The following SUPT5H variants were observed in gnomAD, a reference collection of about 807,000 sequenced individuals.
SUPT5H encodes transcription elongation factor SPT5.
SUPT5H carries 24 observed loss-of-function variants against 142.5 expected under a neutral mutation model. The ratio of observed to expected loss-of-function variants is 0.17; its 90% CI spans 0.12 to 0.24. The LOEUF is 0.24. Ranked by LOEUF, SUPT5H falls within the 10% of genes least tolerant of loss-of-function variation. The pLI is 1.00. For synonymous variants in SUPT5H, 546 were observed against 553.0 expected (o/e 0.99, Z 0.18); for missense variants, 893 against 1,471.8 (o/e 0.61, Z 6.43).
In SUPT5H at chr19:39,457,810, C is replaced by T. The variant is rs1239341393; in HGVS notation, c.307+70C>T. The T allele has an allele frequency of 5.6e-6, 9 of 1,605,274 alleles. No individual in the cohort carries two copies. In the East Asian group the frequency reaches 1.8e-4, roughly 32 times the overall value. On this transcript the variant is annotated intron_variant, in intron 4 of 29. Transcript: ENST00000432763. ...GCTGAGAGGGTCTTCAGAGCCCATT[C>T]CCCCGACCCCCGCATCCCCTGTACA... is the stretch of plus-strand genomic sequence containing the variant.
chr19:39,469,417 C>A lies in SUPT5H; in HGVS notation c.1374+19C>A. On this transcript the variant is annotated intron_variant, in intron 16 of 29. Coordinates refer to ENST00000432763, the MANE Select transcript of SUPT5H (RefSeq NM_001111020.3). The surrounding 1 kb of genome is among the most constrained non-coding windows in gnomAD (Gnocchi z 5.1). The stretch of plus-strand genomic sequence containing the variant: ...CCTCAAGGTGGGTGCCCGGTGTTCT[C>A]GGGCAGGGGTTGGAGTGTTCAGGCA... The A allele has an allele frequency of 1.9e-6, 3 of 1,614,106 alleles. No homozygotes were observed. The highest frequency in any genetic ancestry group is 2.5e-6 in the Non-Finnish European group (3 of 1,180,008).
In SUPT5H at chr19:39,458,620, C is replaced by T; in HGVS notation, c.320-198C>T. On this transcript the variant is annotated intron_variant, in intron 5 of 29. Transcript: ENST00000432763. The surrounding 1 kb of genome is among the most constrained non-coding windows in gnomAD (Gnocchi z 4.2). ...TGGAAGCCCCCCAACTTGCTGGGCC[C>T]CATCCCCAGTCTTTTTGACAAGAAG... The T allele has an allele frequency of 1.4e-6, 1 of 704,942 alleles. No individual in the cohort carries two copies. The highest frequency in any genetic ancestry group is 2.3e-6 in the Non-Finnish European group (1 of 430,802). 43.7% of individuals were successfully genotyped at this position (704,942 alleles called of 1,614,324 possible).
Position 39,472,267 on chromosome 19 carries a change from C to G in SUPT5H, c.1951-142C>G. ...GGGGCTTGTAGGAAAGTGTGCAGGA[C>G]CAGCTGTCACAGAGGAATTCAGGCC... On this transcript the variant is annotated intron_variant, in intron 20 of 29. Transcript: ENST00000432763. The surrounding 1 kb of genome is among the most constrained non-coding windows in gnomAD (Gnocchi z 4.2). 1 of 751,680 alleles carries G rather than the reference C, an allele frequency of 1.3e-6. No individual in the cohort carries two copies. The highest frequency in any genetic ancestry group is 2.3e-6 in the Non-Finnish European group (1 of 438,342). The allele number at this position is 751,680 out of a possible 1,614,324, so 46.6% of individuals were successfully genotyped here.
rs1568423080 is a variant in SUPT5H, at chr19:39,458,258, A to G, written c.308-36A>G. Reference sequence around the variant, plus strand: ...CACCACCACCACCACCACCACCACCACCACCACCACCACCACCTCCTCTTC... The same window carrying G: ...CACCACCACCACCACCACCACCACCGCCACCACCACCACCACCTCCTCTTC... On this transcript the variant is annotated intron_variant, in intron 4 of 29. Transcript: ENST00000432763. The surrounding 1 kb of genome is among the most constrained non-coding windows in gnomAD (Gnocchi z 4.2). 1.4e-6 allele frequency: 1 copy of G among 727,944 alleles called. No individual in the cohort carries two copies. Among genetic ancestry groups the G allele is most frequent in the Admixed American group, 2.2e-5 (1 of 45,332 alleles). The allele number at this position is 727,944 out of a possible 1,614,324, so 45.1% of individuals were successfully genotyped here.
In SUPT5H at chr19:39,473,335, G is replaced by A. The variant is rs760745831; in HGVS notation, c.2386+5G>A. Reference sequence around the variant, plus strand: ...CACAGACACCCCTCCAGGATGGTGAGTGCCCGCAGGGGACAGGGAAGAGGG... The same window carrying A: ...CACAGACACCCCTCCAGGATGGTGAATGCCCGCAGGGGACAGGGAAGAGGG... On this transcript the variant is annotated splice_donor_5th_base_variant and intron_variant, in intron 24 of 29. Transcript: ENST00000432763. This position sits in a 1 kb window ranked among gnomAD's most constrained non-coding sequence, Gnocchi z 5.8. 1 of 1,613,732 alleles carries A rather than the reference G, an allele frequency of 6.2e-7. No individual in the cohort carries two copies. The highest frequency in any genetic ancestry group is 8.5e-7 in the Non-Finnish European group (1 of 1,179,912).
intron 2 of SUPT5H, among the ~76,000 whole-genome samples, chr19:39,451,575 A>G (rs914187034): frequency 6.6e-6 from 1 of 152,134 alleles, no homozygotes. Context: ...TCCATTGGCC[A>G]GGCTGGAGTG....
chr19:39,457,730 TCTAG>T lies in SUPT5H; in HGVS notation c.298_301del (p.Leu100ArgfsTer42). On this transcript the variant is annotated frameshift_variant, in exon 4 of 30. Transcript: ENST00000432763. LOFTEE classifies it high-confidence loss of function. Reference sequence around the variant, plus strand: ...AGTGGGAGGATGGAGCAGAGGACATTCTAGAGAAAGGTGTGTGTGAGCCCTGCCT... The same window carrying T: ...AGTGGGAGGATGGAGCAGAGGACATTAGAAAGGTGTGTGTGAGCCCTGCCT... The T allele has an allele frequency of 6.2e-7, 1 of 1,614,030 alleles. No individual in the cohort carries two copies. Among genetic ancestry groups the T allele is most frequent in the Non-Finnish European group, 8.5e-7 (1 of 1,179,978 alleles).
chr19:39,449,827 A>G (rs1341400168), intron 2 of SUPT5H, among the ~76,000 whole-genome samples: 1 of 151,514 alleles, frequency 6.6e-6, no homozygotes, highest in Non-Finnish European at 1.5e-5. Flanking sequence ...TTTGGTAGAG[A>G]TGGGGTTTCA....
In SUPT5H at chr19:39,458,991, C is replaced by T; in HGVS notation, c.390-14C>T. The T allele has an allele frequency of 6.2e-7, 1 of 1,614,130 alleles. No individual in the cohort carries two copies. The highest frequency in any genetic ancestry group is 2.2e-5 in the East Asian group (1 of 44,876). ...AACCTTCAATTCGTGTTTGCTTCCC[C>T]ACTCGTGCTCCAGGGACCAGCGAGA... is the stretch of plus-strand genomic sequence containing the variant. On this transcript the variant is annotated splice_polypyrimidine_tract_variant and intron_variant, in intron 6 of 29. Transcript: ENST00000432763. This position sits in a 1 kb window ranked among gnomAD's most constrained non-coding sequence, Gnocchi z 4.2.
At chr19:39,447,870 C>A (rs2078973252) in intron 2 of SUPT5H, among the ~76,000 whole-genome samples, 1 of 152,154 alleles carries the variant, frequency 6.6e-6, no homozygotes, top group Non-Finnish European at 1.5e-5. Flanking sequence ...CAATCACAAA[C>A]CAGTAAACAG....
rs992822089 is a variant in SUPT5H at position 39,472,686 on chromosome 19, G to C, written c.2036-124G>C. 2.1e-6 allele frequency: 3 copies of C among 1,456,392 alleles called. No individual in the cohort carries two copies. Among genetic ancestry groups the C allele is most frequent in the Admixed American group, 2.3e-5 (1 of 43,832 alleles). The allele number at this position is 1,456,392 out of a possible 1,614,324, so 90.2% of individuals were successfully genotyped here. On this transcript the variant is annotated intron_variant, in intron 21 of 29. Transcript: ENST00000432763. This position sits in a 1 kb window ranked among gnomAD's most constrained non-coding sequence, Gnocchi z 4.2. ...CTTCCATAGGAAAGCCATGGGGCAG[G>C]GGTGGGCAGAGGAGGCTCTTAACCC... is the stretch of plus-strand genomic sequence containing the variant.
At chr19:39,460,003 C>T in intron 10 of SUPT5H, 43 bp downstream of exon 10, 1 of 1,598,002 alleles carries the variant, frequency 6.3e-7, no homozygotes, top group Non-Finnish European at 8.6e-7. Context: ...GACATGGCAA[C>T]ACCCAGAGGG....
intron 2 of SUPT5H, among the ~76,000 whole-genome samples, chr19:39,446,412 G>A (rs1373549146): frequency 6.6e-6 from 1 of 152,294 alleles, no homozygotes; most frequent in East Asian, 1.9e-4. Context: ...AAGGTACTCT[G>A]GAGAAAAGAA....
intron 2 of SUPT5H, among the ~76,000 whole-genome samples, chr19:39,449,222 G>A (rs1000207127): frequency 2.0e-5 from 3 of 151,980 alleles, no homozygotes; most frequent in African/African-American, 7.2e-5. Context: ...TGTTGAGGAC[G>A]GTGAGAGCAC....
At chr19:39,447,073 G>A (rs1266678661) in intron 2 of SUPT5H, among the ~76,000 whole-genome samples, 1 of 152,126 alleles carries the variant, frequency 6.6e-6, no homozygotes, top group Non-Finnish European at 1.5e-5. Flanking sequence ...GCTGAGGTGG[G>A]AAGATTGCTT....
Position 39,473,566 on chromosome 19 carries a change from G to C in SUPT5H, c.2492+45G>C. ...GGTTCTGGTGTGTGCTGGTGTGTGT[G>C]AGGGATGATGCTGGGTGTCTGGGGC... is the stretch of plus-strand genomic sequence containing the variant. On this transcript the variant is annotated intron_variant, in intron 25 of 29. Coordinates refer to ENST00000432763, the MANE Select transcript of SUPT5H (RefSeq NM_001111020.3). The surrounding 1 kb of genome is among the most constrained non-coding windows in gnomAD (Gnocchi z 5.8). 1 of 1,578,878 alleles carries C rather than the reference G, an allele frequency of 6.3e-7. No homozygotes were observed.
intron 20 of SUPT5H, 140 bp downstream of exon 20, chr19:39,471,870 A>C: frequency 1.6e-6 from 2 of 1,247,714 alleles, no homozygotes; most frequent in Non-Finnish European, 2.2e-6. Flanking sequence ...GCAAAGAGTG[A>C]GAAGGTTTAT....
In SUPT5H at chr19:39,469,542, G is replaced by A. The variant is rs1600721026; in HGVS notation, c.1374+144G>A. ...CCTTCTAGCATTCTCAGGTGCCTGAGAGGCTCTGTCTGAGTGCAGCTCAGG... is the reference window on the plus strand; with the variant it reads ...CCTTCTAGCATTCTCAGGTGCCTGAAAGGCTCTGTCTGAGTGCAGCTCAGG... On this transcript the variant is annotated intron_variant, in intron 16 of 29. Coordinates refer to ENST00000432763, the MANE Select transcript of SUPT5H (RefSeq NM_001111020.3). The surrounding 1 kb of genome is among the most constrained non-coding windows in gnomAD (Gnocchi z 5.1). The A allele has an allele frequency of 8.1e-7, 1 of 1,238,796 alleles. No homozygotes were observed. The highest frequency in any genetic ancestry group is 1.1e-6 in the Non-Finnish European group (1 of 890,404). 76.7% of individuals were successfully genotyped at this position (1,238,796 alleles called of 1,614,324 possible).
chr19:39,459,071 G>C lies in SUPT5H; in HGVS notation c.456G>C (p.Glu152Asp), dbSNP rs2079127009. 1 of 1,614,082 alleles carries C rather than the reference G, an allele frequency of 6.2e-7. No individual in the cohort carries two copies. Reference protein sequence around the residue: ...MKKYAKSSVGETVYGGSDELS... With the variant: ...MKKYAKSSVGDTVYGGSDELS... ...AATACGCCAAGTCATCTGTGGGAGA[G>C]ACGTAAGGGCATGGTGGGGGCAGGT... The change falls in exon 7 of 30, where the codon GAG becomes GAC. Residue 152 changes from glutamate (E) to aspartate (D), a missense_variant and splice_region_variant. Transcript: ENST00000432763.
Sources: gnomAD v4.1 joint callset for allele counts (sites outside exome capture counted in the v4.1 genomes callset) on GRCh38, gnomAD v4.1.1 for gene constraint, Gnocchi (gnomAD v3.1) non-coding constraint, MANE v1.5 for transcripts, NCBI Gene and HGNC (gene_info 2026-07-23, HGNC 2026-07-21) for gene names.